PUS7L: variants seen among roughly 807,000 people sequenced by gnomAD.
PUS7L encodes pseudouridylate synthase PUS7L.
Under a neutral mutation model 51.1 loss-of-function variants are expected in PUS7L, and 49 were observed. The ratio of observed to expected loss-of-function variants is 0.96; its 90% CI spans 0.76 to 1.22. PUS7L has a LOEUF of 1.22. PUS7L is among the 50% of genes most tolerant of loss of function. PUS7L has a pLI of 0.00. For synonymous variants in PUS7L, 277 were observed against 276.2 expected (o/e 1.00, Z -0.03); for missense variants, 828 against 820.6 (o/e 1.01, Z -0.11).
At position 43,727,067 on chromosome 12, in the gene PUS7L, C is replaced by T. The variant is rs1482622538; in HGVS notation, c.*3309G>A. 7 of 151,994 alleles carry T rather than the reference C, an allele frequency of 4.6e-5. No individual in the cohort carries two copies. The highest frequency in any genetic ancestry group is 4.6e-4 in the Admixed American group (7 of 15,254). The allele number at this position is 151,994 out of a possible 1,614,324, so 9.4% of individuals were successfully genotyped here. A position where few individuals can be genotyped will look rare whatever the true frequency, so the allele number is the denominator to read the frequency against. The stretch of plus-strand genomic sequence containing the variant: ...CTTCTCAAAAGAAGACATCCATGGG[C>T]CAAAAGCATATGAAAAAATGCTGAA... On this transcript the variant is annotated 3_prime_UTR_variant, in exon 9 of 9. Transcript: ENST00000344862.
chr12:43,739,223 C>T (rs1937765569), intron 5 of PUS7L: 1 of 152,198 alleles, frequency 6.6e-6, no homozygotes, highest in Admixed American at 6.5e-5. Context: ...AAGTATCCAA[C>T]TTACCTGAGT....
rs1944428871 is a variant in PUS7L at position 43,724,269 on chromosome 12, T to C, written c.*6107A>G. On this transcript the variant is annotated 3_prime_UTR_variant, in exon 9 of 9. Transcript: ENST00000344862. ...TTGAATGAACTACTGAATCCCCAGATTTAGAAATAGTTGTTTCTACTACTA... is the reference window on the plus strand; with the variant it reads ...TTGAATGAACTACTGAATCCCCAGACTTAGAAATAGTTGTTTCTACTACTA... The C allele has an allele frequency of 6.6e-6, 1 of 151,944 alleles. No homozygotes were observed. Among genetic ancestry groups the C allele is most frequent in the South Asian group, 2.1e-4 (1 of 4,824 alleles). The allele number at this position is 151,944 out of a possible 1,614,324, so 9.4% of individuals were successfully genotyped here. A position where few individuals can be genotyped will look rare whatever the true frequency, so the allele number is the denominator to read the frequency against.
chr12:43,739,624 G>A (rs1456237779), intron 5 of PUS7L: 2 of 152,128 alleles, frequency 1.3e-5, no homozygotes, highest in Non-Finnish European at 2.9e-5. Context: ...AGTAGAGACA[G>A]TCTTTACCAT....
At chr12:43,748,673 G>T in intron 2 of PUS7L, 64 bp from the exon 3 acceptor site, 1 of 1,232,414 alleles carries the variant, frequency 8.1e-7, no homozygotes, top group Non-Finnish European at 1.1e-6. Context: ...TACATTCTTA[G>T]CTAACAGATT....
chr12:43,750,197 T>TTGAGG (rs3038220), intron 2 of PUS7L, among the ~76,000 whole-genome samples: 1 of 151,554 alleles, frequency 6.6e-6, no homozygotes, highest in Non-Finnish European at 1.5e-5. Context: ...CCCAGCTTGT[T>TTGAGG]TATCAGTTTG....
intron 5 of PUS7L, chr12:43,738,876 C>T (rs185273126): frequency 7.0e-6 from 2 of 287,264 alleles, no homozygotes; most frequent in Non-Finnish European, 1.4e-5. Flanking sequence ...AGCATATTTC[C>T]TAAGACAGTG....
Position 43,742,574 on chromosome 12 carries a change from C to A in PUS7L, c.1264-19G>T. The A allele has an allele frequency of 1.3e-6, 2 of 1,553,820 alleles. No homozygotes were observed. The highest frequency in any genetic ancestry group is 2.3e-5 in the East Asian group (1 of 44,082). On this transcript the variant is annotated intron_variant, in intron 4 of 8. Coordinates refer to ENST00000344862, the MANE Select transcript of PUS7L (RefSeq NM_031292.5). ...CTTTTTTCTATGTATACAAAATAATCAACAAATTAAGAGTATATAAATACA... is the reference window on the plus strand; with the variant it reads ...CTTTTTTCTATGTATACAAAATAATAAACAAATTAAGAGTATATAAATACA...
intron 6 of PUS7L, among the ~76,000 whole-genome samples, chr12:43,737,218 G>C (rs1937652317): frequency 6.6e-6 from 1 of 152,158 alleles, no homozygotes; most frequent in Admixed American, 6.5e-5. Flanking sequence ...TGAAATAGAT[G>C]TACCAGGTGT....
rs1296445575 is a variant in PUS7L, at chr12:43,721,882, G to A, written c.*8494C>T. The A allele has an allele frequency of 6.6e-6, 1 of 152,090 alleles. No homozygotes were observed. Among genetic ancestry groups the A allele is most frequent in the Non-Finnish European group, 1.5e-5 (1 of 67,992 alleles). The allele number at this position is 152,090 out of a possible 1,614,324, so 9.4% of individuals were successfully genotyped here. On this transcript the variant is annotated 3_prime_UTR_variant, in exon 9 of 9. Transcript: ENST00000344862. ...GCCACAAATGGAAAATTCCACACCT[G>A]ACTTCATGTGATAGGTCACAGTCAA...
chr12:43,750,036 AAACT>A (rs1938367766), intron 2 of PUS7L, among the ~76,000 whole-genome samples: 1 of 152,202 alleles, frequency 6.6e-6, no homozygotes, highest in Non-Finnish European at 1.5e-5. Context: ...GTACCCCCTG[AAACT>A]AACATAAAAA....
chr12:43,731,728 C>A lies in PUS7L; in HGVS notation c.1756G>T (p.Ala586Ser). ...ACCTGATGTATTGCATACATATTAGCTGATCCCTCCTCTTCAGTTACCAGG... is the reference window on the plus strand; with the variant it reads ...ACCTGATGTATTGCATACATATTAGATGATCCCTCCTCTTCAGTTACCAGG... Reference protein sequence around the residue: ...IHLVTEEEGSANMYAIHQVVL... With the variant: ...IHLVTEEEGSSNMYAIHQVVL... The change falls in exon 8 of 9, where the codon GCT becomes TCT. Residue 586 changes from alanine to serine, a missense_variant. Physicochemically the swap from Ala to Ser is moderately conservative, Grantham distance 99. Transcript: ENST00000344862. 6.3e-7 allele frequency: 1 copy of A among 1,581,266 alleles called. No individual in the cohort carries two copies. Among genetic ancestry groups the A allele is most frequent in the Non-Finnish European group, 8.7e-7 (1 of 1,154,082 alleles).
chr12:43,745,841 T>C (rs1938141344), intron 4 of PUS7L, among the ~76,000 whole-genome samples: 4 of 152,170 alleles, frequency 2.6e-5, no homozygotes, highest in Admixed American at 1.3e-4. Context: ...TTACATATTT[T>C]GTTTTGTTTA....
Position 43,753,754 on chromosome 12 carries a change from A to G in PUS7L, c.910+582T>C, listed in dbSNP as rs375978849. Among the ~76,000 whole-genome samples the G allele has an allele frequency of 8.5e-5, 13 of 152,186 alleles. 1 individual carries two copies. Among genetic ancestry groups the G allele is most frequent in the Admixed American group, 7.2e-4 (11 of 15,284 alleles). ...CTGCCTGGAAATCTGTGAAAGCCCCAGAATCAGAAACTGAGAATGGAGCTC... is the reference window on the plus strand; with the variant it reads ...CTGCCTGGAAATCTGTGAAAGCCCCGGAATCAGAAACTGAGAATGGAGCTC... On this transcript the variant is annotated intron_variant, in intron 2 of 8. Transcript: ENST00000344862.
rs1324950920 is a variant in PUS7L at position 43,729,625 on chromosome 12, T to C, written c.*751A>G. 6.3e-6 allele frequency: 1 copy of C among 158,130 alleles called. No individual in the cohort carries two copies. The highest frequency in any genetic ancestry group is 2.4e-5 in the African/African-American group (1 of 41,754). The allele number at this position is 158,130 out of a possible 1,614,324, so 9.8% of individuals were successfully genotyped here. A position where few individuals can be genotyped will look rare whatever the true frequency, so the allele number is the denominator to read the frequency against. ...TGAAGTTGTAATTGTCTTGATTCTA[T>C]CAGTAACCACACACAAAAAAATCAA... is the stretch of plus-strand genomic sequence containing the variant. On this transcript the variant is annotated 3_prime_UTR_variant, in exon 9 of 9. Coordinates refer to ENST00000344862, the MANE Select transcript of PUS7L (RefSeq NM_031292.5).
Position 43,730,336 on chromosome 12 carries a change from A to T in PUS7L, c.*40T>A. 1 of 1,505,008 alleles carries T rather than the reference A, an allele frequency of 6.6e-7. No homozygotes were observed. Among genetic ancestry groups the T allele is most frequent in the Non-Finnish European group, 9.1e-7 (1 of 1,092,920 alleles). The allele number at this position is 1,505,008 out of a possible 1,614,324, so 93.2% of individuals were successfully genotyped here. ...AAGACATTTTAGCCCCCTTTCCTTC[A>T]AAGAGTGACATATATATGGTTATAC... On this transcript the variant is annotated 3_prime_UTR_variant, in exon 9 of 9. Coordinates refer to ENST00000344862, the MANE Select transcript of PUS7L (RefSeq NM_031292.5).
chr12:43,746,296 A>G (rs1938169420), intron 3 of PUS7L, 58 bp from the exon 4 acceptor site: 1 of 782,338 alleles, frequency 1.3e-6, no homozygotes, highest in African/African-American at 1.8e-5. Flanking sequence ...ATTACTTTAA[A>G]ATAAGGTTTT....
rs2137639745 is a variant in PUS7L, at chr12:43,721,680, A to T, written c.*8696T>A. ...CCATGAGATGGTAGAGAACTATACAAAAGGCTATGAGAACACAGATTTCAC... is the reference window on the plus strand; with the variant it reads ...CCATGAGATGGTAGAGAACTATACATAAGGCTATGAGAACACAGATTTCAC... On this transcript the variant is annotated 3_prime_UTR_variant, in exon 9 of 9. Coordinates refer to ENST00000344862, the MANE Select transcript of PUS7L (RefSeq NM_031292.5). The T allele has an allele frequency of 6.6e-6, 1 of 152,328 alleles. No homozygotes were observed. The highest frequency in any genetic ancestry group is 1.5e-5 in the Non-Finnish European group (1 of 68,014). 9.4% of individuals were successfully genotyped at this position (152,328 alleles called of 1,614,324 possible). A position where few individuals can be genotyped will look rare whatever the true frequency, so the allele number is the denominator to read the frequency against.
chr12:43,737,978 TA>T, intron 6 of PUS7L: 1 of 216,302 alleles, frequency 4.6e-6, no homozygotes, highest in South Asian at 9.1e-5. Flanking sequence ...TTTGTGTTTG[TA>T]TCTCCCCCAG....
At position 43,736,660 on chromosome 12, in the gene PUS7L, C is replaced by G; in HGVS notation, c.1446G>C (p.Glu482Asp). Residue 482 changes from glutamate to aspartate, a missense_variant and splice_region_variant, in exon 7 of 9, where the codon GAG becomes GAC. Physicochemically the swap from Glu to Asp is conservative, Grantham distance 45 (BLOSUM62 2). Transcript: ENST00000344862. ...TCAATGAAAGTGTGCCTTTAGCATC[C>G]TCTGAAACAAAGGGTAAATCAGGTA... ...NRAKKYFLQT[E>D]DAKGTLSLMP... 2 of 1,612,242 alleles carry G rather than the reference C, an allele frequency of 1.2e-6. No homozygotes were observed. The highest frequency in any genetic ancestry group is 1.7e-6 in the Non-Finnish European group (2 of 1,178,696).
Sources: gnomAD v4.1 joint callset for allele counts (sites outside exome capture counted in the v4.1 genomes callset) on GRCh38, gnomAD v4.1.1 for gene constraint, MANE v1.5 for transcripts, NCBI Gene and HGNC (gene_info 2026-07-23, HGNC 2026-07-21) for gene names.